CBFB: variants seen among roughly 807,000 people sequenced by gnomAD.
The protein encoded by CBFB is core-binding factor subunit beta.
Under a neutral mutation model 30.4 loss-of-function variants are expected in CBFB, and 9 were observed. The ratio of observed to expected loss-of-function variants is 0.30; its 90% CI spans 0.18 to 0.52. CBFB has a LOEUF of 0.52. CBFB is among the 20% of genes least tolerant of loss of function. CBFB has a pLI of 0.97. For missense variants in CBFB, 170 were observed against 244.0 expected (o/e 0.70, Z 2.02); for synonymous variants, 94 against 84.0 (o/e 1.12, Z -0.65).
chr16:67,059,931 C>G (rs1960844075), intron 3 of CBFB, among the ~76,000 whole-genome samples: 1 of 151,896 alleles, frequency 6.6e-6, no homozygotes. Flanking sequence ...TTATATGTAG[C>G]AGATAAAAAT....
At chr16:67,029,856 C>G (rs777228732) in intron 2 of CBFB, 43 bp downstream of exon 2, 5 of 1,457,812 alleles carry the variant, frequency 3.4e-6, no homozygotes, top group Admixed American at 2.1e-5. Context: ...ACTTGTTGCG[C>G]GGGGCCGCGG....
chr16:67,059,771 G>C (rs1161973361), intron 3 of CBFB, among the ~76,000 whole-genome samples: 1 of 151,810 alleles, frequency 6.6e-6, no homozygotes, highest in East Asian at 1.9e-4. Context: ...TGCTTACTCT[G>C]GGGGTCTCTT....
At chr16:67,054,850 T>A (rs904584250) in intron 3 of CBFB, among the ~76,000 whole-genome samples, 7 of 152,114 alleles carry the variant, frequency 4.6e-5, no homozygotes, top group African/African-American at 1.7e-4. Context: ...CCTCCCGGGT[T>A]CACGCCATTC....
At chr16:67,073,022 T>G (rs1961276799) in intron 4 of CBFB, among the ~76,000 whole-genome samples, 1 of 152,150 alleles carries the variant, frequency 6.6e-6, no homozygotes. Context: ...CCCTTACTTT[T>G]ATTTTCTTCA....
At chr16:67,071,014 A>G (rs1961208930) in intron 4 of CBFB, among the ~76,000 whole-genome samples, 2 of 152,184 alleles carry the variant, frequency 1.3e-5, no homozygotes, top group South Asian at 2.1e-4. Context: ...GTTTACTACT[A>G]TCACAATGGA....
intron 4 of CBFB, among the ~76,000 whole-genome samples, chr16:67,070,488 T>C (rs1961188329): frequency 1.3e-5 from 2 of 152,234 alleles, no homozygotes; most frequent in South Asian, 4.1e-4. Flanking sequence ...GTCTATTTTC[T>C]GTTAAGAAGT....
chr16:67,092,698 C>CTTTTT lies in CBFB; in HGVS notation c.496-5984_496-5980dup, dbSNP rs777213321. On this transcript the variant is annotated intron_variant, in intron 5 of 5. Coordinates refer to ENST00000412916, the MANE Select transcript of CBFB (RefSeq NM_022845.3). ...CCAGGCTAGGTTACAGTGGTGCAAT[C>CTTTTT]TTTTTTTTTTTTTTTTTTTTTTTTT... Among the ~76,000 whole-genome samples, 105 of 33,528 alleles carry CTTTTT rather than the reference C, an allele frequency of 3.1e-3. 18 individuals carry two copies. Among genetic ancestry groups the CTTTTT allele is most frequent in the African/African-American group, 0.011 (100 of 8,716 alleles). 22.0% of individuals were successfully genotyped at this position (33,528 alleles called of 152,430 possible). A position where few individuals can be genotyped will look rare whatever the true frequency, so the allele number is the denominator to read the frequency against.
At chr16:67,097,254 A>T (rs372882847) in intron 5 of CBFB, among the ~76,000 whole-genome samples, 2 of 151,972 alleles carry the variant, frequency 1.3e-5, no homozygotes, top group East Asian at 1.9e-4. Flanking sequence ...AAACAAAAAA[A>T]TAGATCTGGG....
Position 67,074,919 on chromosome 16 carries a change from G to T in CBFB, c.400-7294G>T, listed in dbSNP as rs1484272945. On this transcript the variant is annotated intron_variant, in intron 4 of 5. Transcript: ENST00000412916. Reference sequence around the variant, plus strand: ...TACATAAAATATGTAGAGGCCAGGCGCAGTGGCTCATGCTTGTAATCCCAA... The same window carrying T: ...TACATAAAATATGTAGAGGCCAGGCTCAGTGGCTCATGCTTGTAATCCCAA... 2.0e-5 allele frequency among the ~76,000 whole-genome samples: 3 copies of T among 152,168 alleles called. No individual in the cohort carries two copies. The South Asian group carries it at 6.2e-4, about 32-fold the overall frequency.
At chr16:67,093,368 G>GTTTTTT (rs398042202) in intron 5 of CBFB, 4 of 96,800 alleles carry the variant, frequency 4.1e-5, no homozygotes, top group Non-Finnish European at 6.1e-5. Flanking sequence ...TTTTCAGCAG[G>GTTTTTT]TTTTTTTTTT....
intron 3 of CBFB, among the ~76,000 whole-genome samples, chr16:67,038,376 A>G (rs754924955): frequency 1.3e-5 from 2 of 151,606 alleles, no homozygotes. Context: ...ATATGTGTGT[A>G]TGTATATACA....
In CBFB at chr16:67,029,323, G is replaced by T. The variant is rs1377092817; in HGVS notation, c.-85G>T. 6 of 911,698 alleles carry T rather than the reference G, an allele frequency of 6.6e-6. 1 individual carries two copies. The Admixed American group carries it at 1.8e-4, about 27-fold the overall frequency. The allele number at this position is 911,698 out of a possible 1,614,324, so 56.5% of individuals were successfully genotyped here. On this transcript the variant is annotated 5_prime_UTR_variant, in exon 1 of 6. Coordinates refer to ENST00000412916, the MANE Select transcript of CBFB (RefSeq NM_022845.3). ...GGGCGTCCGGGCGCCGCGGGTGGGC[G>T]GTCAGTCGGTCAGCGCGGAGCCAGC...
intron 3 of CBFB, among the ~76,000 whole-genome samples, chr16:67,055,315 C>A (rs1960684347): frequency 6.7e-6 from 1 of 149,274 alleles, no homozygotes; most frequent in Non-Finnish European, 1.5e-5. Context: ...TGTATACGCA[C>A]ACACACACAG....
intron 5 of CBFB, among the ~76,000 whole-genome samples, chr16:67,084,605 G>A (rs879725353): frequency 3.9e-5 from 6 of 152,146 alleles, no homozygotes; most frequent in Non-Finnish European, 5.9e-5. Context: ...CTGAGTGTAT[G>A]CTTTAAAAAT....
At chr16:67,075,444 G>C (rs1453285925) in intron 4 of CBFB, among the ~76,000 whole-genome samples, 1 of 152,290 alleles carries the variant, frequency 6.6e-6, no homozygotes, top group East Asian at 1.9e-4. Flanking sequence ...GAAGAAGACA[G>C]TACCAAACAT....
At chr16:67,062,492 A>G (rs1371515585) in intron 3 of CBFB, among the ~76,000 whole-genome samples, 2 of 150,724 alleles carry the variant, frequency 1.3e-5, no homozygotes, top group Non-Finnish European at 3.0e-5. Context: ...TTGACTATGG[A>G]CATTAATATG....
chr16:67,057,869 T>A (rs893912163), intron 3 of CBFB, among the ~76,000 whole-genome samples: 1 of 152,222 alleles, frequency 6.6e-6, no homozygotes, highest in Non-Finnish European at 1.5e-5. Context: ...AAGTTGTAGC[T>A]GACTGCCACA....
chr16:67,046,276 T>C (rs1272286416), intron 3 of CBFB, among the ~76,000 whole-genome samples: 2 of 151,996 alleles, frequency 1.3e-5, no homozygotes, highest in Non-Finnish European at 1.5e-5. Flanking sequence ...CCAGGTAATT[T>C]TTTTGTAGAT....
At chr16:67,098,354 C>T (rs191341889) in intron 5 of CBFB, among the ~76,000 whole-genome samples, 8 of 152,218 alleles carry the variant, frequency 5.3e-5, no homozygotes, top group African/African-American at 1.7e-4. Context: ...CCAGGCTGGT[C>T]TCGAACTCCT....
Sources: gnomAD v4.1 joint callset for allele counts (sites outside exome capture counted in the v4.1 genomes callset) on GRCh38, gnomAD v4.1.1 for gene constraint, MANE v1.5 for transcripts, NCBI Gene and HGNC (gene_info 2026-07-23, HGNC 2026-07-21) for gene names.